The following SYNDIG1 variants were observed in gnomAD, a reference collection of about 807,000 sequenced individuals.
SYNDIG1 encodes synapse differentiation inducing 1, also known as synapse differentiation-inducing gene protein 1.
A neutral mutation model predicts 19.4 loss-of-function variants in SYNDIG1; 9 were observed. The ratio of observed to expected loss-of-function variants is 0.46; its 90% CI spans 0.28 to 0.81. The LOEUF (loss-of-function observed/expected upper bound fraction) is 0.81, where lower values mean the gene tolerates loss of function less well. SYNDIG1 is among the 30% of genes least tolerant of loss of function. The pLI, the probability that SYNDIG1 is intolerant of heterozygous loss-of-function variation, is 0.12. For synonymous variants in SYNDIG1, 141 were observed against 145.9 expected, an observed-to-expected ratio of 0.97 and a Z score of 0.24; for missense variants, 311 against 343.3, an observed-to-expected ratio of 0.91 and a Z score of 0.74.
chr20:24,538,134 CTT>C (rs1373700156), intron 1 of SYNDIG1, among the ~76,000 whole-genome samples: 3 of 152,146 alleles, frequency 2.0e-5, no homozygotes, highest in South Asian at 2.1e-4. Context: ...AATCTACAAT[CTT>C]AACAATTTTT....
intron 2 of SYNDIG1, among the ~76,000 whole-genome samples, chr20:24,554,912 C>T (rs1213232383): frequency 9.2e-5 from 14 of 151,652 alleles, no homozygotes; most frequent in African/African-American, 2.9e-4. Context: ...TGGTAGAATT[C>T]GGCTGTGAAT....
chr20:24,554,233 C>A (rs2057765743), intron 2 of SYNDIG1, among the ~76,000 whole-genome samples: 1 of 152,126 alleles, frequency 6.6e-6, no homozygotes, highest in South Asian at 2.1e-4. Context: ...TCTAGATATA[C>A]AATCATGTCA....
chr20:24,537,024 C>T (rs923317415), intron 1 of SYNDIG1, among the ~76,000 whole-genome samples: 2 of 152,136 alleles, frequency 1.3e-5, no homozygotes, highest in African/African-American at 4.8e-5. Flanking sequence ...TCATGCTGTT[C>T]ACACATCCAT....
At chr20:24,635,971 T>G (rs113779502) in intron 3 of SYNDIG1, among the ~76,000 whole-genome samples, 3 of 152,276 alleles carry the variant, frequency 2.0e-5, no homozygotes, top group African/African-American at 7.2e-5. Context: ...TTCTGGAAAT[T>G]TTGTAGTTAT....
At chr20:24,598,283 A>T (rs1057455206) in intron 3 of SYNDIG1, among the ~76,000 whole-genome samples, 2 of 152,240 alleles carry the variant, frequency 1.3e-5, no homozygotes. Context: ...TTCCCACAGC[A>T]GCTCCATGAA....
intron 2 of SYNDIG1, among the ~76,000 whole-genome samples, chr20:24,547,960 A>G (rs2057614361): frequency 6.6e-6 from 1 of 152,222 alleles, no homozygotes; most frequent in Non-Finnish European, 1.5e-5. Flanking sequence ...CCTGAAGTAC[A>G]TGACGGTCAC....
In SYNDIG1 at chr20:24,660,506, G is replaced by A. The variant is rs866047342; in HGVS notation, c.619-4840G>A. Among the ~76,000 whole-genome samples the A allele has an allele frequency of 4.7e-4, 71 of 152,252 alleles. No homozygotes were observed. In the Middle Eastern group the frequency reaches 0.027, roughly 58 times the overall value. On this transcript the variant is annotated intron_variant, in intron 3 of 3. Coordinates refer to ENST00000376862, the MANE Select transcript of SYNDIG1 (RefSeq NM_024893.3). ...AGCAGGCCTGGCCTCAGGAGGAAGG[G>A]CCTCCTCTCTTCCCCTCCTCCTCCC...
chr20:24,596,977 C>A (rs2058605519), intron 3 of SYNDIG1: 1 of 152,020 alleles, frequency 6.6e-6, no homozygotes, highest in Admixed American at 6.6e-5. Flanking sequence ...GGGGGGCACA[C>A]CCCTTGCTGG....
At chr20:24,579,943 G>A (rs1325454731) in intron 2 of SYNDIG1, among the ~76,000 whole-genome samples, 1 of 152,184 alleles carries the variant, frequency 6.6e-6, no homozygotes, top group Non-Finnish European at 1.5e-5. Flanking sequence ...ATATTCCCAG[G>A]AAGAAAACCC....
chr20:24,630,548 T>C (rs775211148), intron 3 of SYNDIG1, among the ~76,000 whole-genome samples: 27 of 152,204 alleles, frequency 1.8e-4, no homozygotes, highest in Admixed American at 1.6e-3. Flanking sequence ...AGAGAGTCTA[T>C]CTCAAGGGTC....
rs975507798 is a variant in SYNDIG1 at position 24,655,462 on chromosome 20, T to C, written c.619-9884T>C. 5.3e-5 allele frequency among the ~76,000 whole-genome samples: 8 copies of C among 152,248 alleles called. No homozygotes were observed. In the South Asian group the frequency reaches 6.2e-4, roughly 12 times the overall value. On this transcript the variant is annotated intron_variant, in intron 3 of 3. Transcript: ENST00000376862. ...ACAATAGTCGGTCAGTGATAGGTAG[T>C]TGACAAATTGATAAATCAAGAAATT... is the stretch of plus-strand genomic sequence containing the variant.
At chr20:24,605,828 A>T (rs911812735) in intron 3 of SYNDIG1, among the ~76,000 whole-genome samples, 3 of 152,176 alleles carry the variant, frequency 2.0e-5, no homozygotes, top group Non-Finnish European at 4.4e-5. Flanking sequence ...GACGTGTGGG[A>T]CCCAGAGTTG....
Position 24,495,931 on chromosome 20 carries a change from G to T in SYNDIG1, c.-79+26178G>T, listed in dbSNP as rs142648795. The stretch of plus-strand genomic sequence containing the variant: ...ACGATCTCGGCTCACTGCAAGCTCC[G>T]CCTCCTGGGTTCACGCCATTCTCCT... On this transcript the variant is annotated intron_variant, in intron 1 of 3. Transcript: ENST00000376862. The T allele has an allele frequency of 5.4e-3, 818 of 152,190 alleles. 3 individuals carry two copies. Among genetic ancestry groups the T allele is most frequent in the Non-Finnish European group, 8.6e-3 (587 of 68,028 alleles). 9.4% of individuals were successfully genotyped at this position (152,190 alleles called of 1,614,324 possible). A position where few individuals can be genotyped will look rare whatever the true frequency, so the allele number is the denominator to read the frequency against.
chr20:24,547,887 C>T (rs1162758220), intron 2 of SYNDIG1, among the ~76,000 whole-genome samples: 1 of 152,158 alleles, frequency 6.6e-6, no homozygotes, highest in Non-Finnish European at 1.5e-5. Flanking sequence ...CACCCTCCTG[C>T]CCTTAGAGAT....
intron 3 of SYNDIG1, among the ~76,000 whole-genome samples, chr20:24,619,428 G>A (rs2059002349): frequency 6.6e-6 from 1 of 152,160 alleles, no homozygotes; most frequent in South Asian, 2.1e-4. Context: ...GGAGCTGGAG[G>A]GTAGCCAATC....
In SYNDIG1 at chr20:24,520,766, T is replaced by C. The variant is rs144265347; in HGVS notation, c.-78-22254T>C. ...ATACTTGCACCTAACAATGTTGGCT[T>C]GTACACCAACATTGTTACTTCTTAT... On this transcript the variant is annotated intron_variant, in intron 1 of 3. Transcript: ENST00000376862. Among the ~76,000 whole-genome samples the C allele has an allele frequency of 5.0e-3, 765 of 152,314 alleles. 3 individuals carry two copies. The highest frequency in any genetic ancestry group is 9.1e-3 in the Non-Finnish European group (617 of 68,012).
rs111830887 is a variant in SYNDIG1 at position 24,560,266 on chromosome 20, C to T, written c.480+16689C>T. Among the ~76,000 whole-genome samples, 321 of 151,286 alleles carry T rather than the reference C, an allele frequency of 2.1e-3. 2 individuals carry two copies. The highest frequency in any genetic ancestry group is 7.4e-3 in the African/African-American group (305 of 41,248). On this transcript the variant is annotated intron_variant, in intron 2 of 3. Coordinates refer to ENST00000376862, the MANE Select transcript of SYNDIG1 (RefSeq NM_024893.3). ...GTATTTTTTTAGTAGAGACAGGGTT[C>T]CACTATGTTGGCCAGGCTGGACTCT...
chr20:24,527,835 G>A (rs2057160170), intron 1 of SYNDIG1, among the ~76,000 whole-genome samples: 1 of 152,176 alleles, frequency 6.6e-6, no homozygotes, highest in Admixed American at 6.5e-5. Flanking sequence ...CCCTGAGTAA[G>A]GAACTCTGTA....
chr20:24,570,986 T>A (rs1411330432), intron 2 of SYNDIG1, among the ~76,000 whole-genome samples: 1 of 152,144 alleles, frequency 6.6e-6, no homozygotes, highest in Admixed American at 6.6e-5. Context: ...GCAACCTGGA[T>A]CTCGAGGGTA....
Sources: gnomAD v4.1 joint callset for allele counts (sites outside exome capture counted in the v4.1 genomes callset) on GRCh38, gnomAD v4.1.1 for gene constraint, MANE v1.5 for transcripts, NCBI Gene and HGNC (gene_info 2026-07-23, HGNC 2026-07-21) for gene names.